The following ADTRP variants were observed in gnomAD, a reference collection of about 807,000 sequenced individuals.
The protein encoded by ADTRP is androgen dependent TFPI regulating protein.
In ADTRP, 20 loss-of-function variants were observed where a neutral mutation model predicts 27.0. The observed-to-expected ratio is 0.74, with a 90% confidence interval of 0.52 to 1.08. ADTRP has a LOEUF of 1.08. ADTRP is among the 50% of genes least tolerant of loss of function. The probability of loss-of-function intolerance (pLI) is 0.00; values close to 1 mark genes in which losing one functional copy is unlikely to be tolerated. For synonymous variants in ADTRP, 101 were observed against 105.2 expected, an observed-to-expected ratio of 0.96 and a Z score of 0.25; for missense variants, 251 against 275.0, an observed-to-expected ratio of 0.91 and a Z score of 0.62.
chr6:11,773,526 G>A (rs1561777892), intron 1 of ADTRP, among the ~76,000 whole-genome samples: 1 of 152,240 alleles, frequency 6.6e-6, no homozygotes, highest in South Asian at 2.1e-4. Context: ...TTGGATGCCA[G>A]TTATGGCAGG....
chr6:11,746,572 G>A (rs1762872637), intron 3 of ADTRP, among the ~76,000 whole-genome samples: 1 of 152,118 alleles, frequency 6.6e-6, no homozygotes, highest in South Asian at 2.1e-4. Context: ...AATCCATCCT[G>A]GTTGAGAATC....
At chr6:11,744,899 A>G (rs1473736917) in intron 3 of ADTRP, among the ~76,000 whole-genome samples, 1 of 152,208 alleles carries the variant, frequency 6.6e-6, no homozygotes, top group Non-Finnish European at 1.5e-5. Flanking sequence ...GTAAGGGCTC[A>G]GAGTGTGTAA....
At chr6:11,766,125 A>G in intron 3 of ADTRP, 149 bp downstream of exon 3, 1 of 528,320 alleles carries the variant, frequency 1.9e-6, no homozygotes, top group Non-Finnish European at 3.3e-6. Context: ...TGTTCATTTC[A>G]TACCTTCAAT....
chr6:11,760,145 C>T (rs1401528816), intron 3 of ADTRP, among the ~76,000 whole-genome samples: 1 of 152,196 alleles, frequency 6.6e-6, no homozygotes, highest in Admixed American at 6.5e-5. Flanking sequence ...AAGCACACTA[C>T]TCTGTTCTCT....
chr6:11,721,032 T>A (rs980030984), intron 5 of ADTRP, among the ~76,000 whole-genome samples: 2 of 152,176 alleles, frequency 1.3e-5, no homozygotes, highest in African/African-American at 4.8e-5. Context: ...ACCCGAGGTC[T>A]AGTGGAAAAA....
At chr6:11,750,282 TG>T (rs1561760685) in intron 3 of ADTRP, among the ~76,000 whole-genome samples, 2 of 152,234 alleles carry the variant, frequency 1.3e-5, no homozygotes, top group African/African-American at 4.8e-5. Context: ...AATCCCTGAA[TG>T]GCGGAAAATC....
chr6:11,756,625 C>T (rs1763223147), intron 3 of ADTRP, among the ~76,000 whole-genome samples: 1 of 152,060 alleles, frequency 6.6e-6, no homozygotes, highest in East Asian at 1.9e-4. Flanking sequence ...GAAAACTATG[C>T]AGATAGTAGA....
chr6:11,743,449 A>T (rs1467385944), intron 3 of ADTRP, among the ~76,000 whole-genome samples: 1 of 152,014 alleles, frequency 6.6e-6, no homozygotes, highest in Non-Finnish European at 1.5e-5. Flanking sequence ...CTCACTGTGG[A>T]TACAGCACTC....
chr6:11,758,607 T>C (rs1047865900), intron 3 of ADTRP, among the ~76,000 whole-genome samples: 4 of 130,532 alleles, frequency 3.1e-5, no homozygotes, highest in Admixed American at 8.4e-5. Context: ...TTAGGAGGTA[T>C]ACCTAATGCT....
chr6:11,750,559 G>A (rs960355385), intron 3 of ADTRP, among the ~76,000 whole-genome samples: 1 of 152,192 alleles, frequency 6.6e-6, no homozygotes, highest in East Asian at 1.9e-4. Flanking sequence ...AAGCAATCAC[G>A]TTATGATCAA....
intron 3 of ADTRP, among the ~76,000 whole-genome samples, chr6:11,739,426 T>C (rs534949266): frequency 1.4e-4 from 21 of 152,310 alleles, no homozygotes; most frequent in African/African-American, 5.1e-4. Context: ...TCTTCTCCCA[T>C]CCTTTTCTAC....
chr6:11,769,957 A>C (rs571051259), intron 1 of ADTRP: 18 of 1,480,470 alleles, frequency 1.2e-5, no homozygotes, highest in African/African-American at 2.8e-5. Context: ...TTTCATTCTC[A>C]TAACAACCTT....
intron 1 of ADTRP, among the ~76,000 whole-genome samples, chr6:11,772,451 T>C (rs907915640): frequency 1.3e-5 from 2 of 152,276 alleles, no homozygotes; most frequent in Non-Finnish European, 2.9e-5. Context: ...AGCTTATCTC[T>C]TGCCTTTAAG....
chr6:11,773,963 A>G (rs1763867822), intron 1 of ADTRP, among the ~76,000 whole-genome samples: 1 of 152,186 alleles, frequency 6.6e-6, no homozygotes, highest in Non-Finnish European at 1.5e-5. Context: ...ATTGAAGTGC[A>G]TCTTTGTGAG....
At chr6:11,728,773 G>A (rs1762295160) in intron 4 of ADTRP, among the ~76,000 whole-genome samples, 1 of 152,214 alleles carries the variant, frequency 6.6e-6, no homozygotes. Flanking sequence ...ATGAATGGCT[G>A]TGTTGGGTGG....
chr6:11,771,746 T>C (rs1391186576), intron 1 of ADTRP, among the ~76,000 whole-genome samples: 1 of 152,126 alleles, frequency 6.6e-6, no homozygotes, highest in South Asian at 2.1e-4. Context: ...GAAGTTAAAA[T>C]GAGGTCACGA....
Position 11,760,225 on chromosome 6 carries a change from C to T in ADTRP, c.390+6049G>A, listed in dbSNP as rs74652666. Among the ~76,000 whole-genome samples, 1,286 of 152,282 alleles carry T rather than the reference C, an allele frequency of 8.4e-3. 10 individuals carry two copies. Among genetic ancestry groups the T allele is most frequent in the Middle Eastern group, 0.02 (6 of 294 alleles). On this transcript the variant is annotated intron_variant, in intron 3 of 5. Transcript: ENST00000414691. ...GGGATGTGTGTATAGTCCACAAGGA[C>T]AGAGCATAACCAAGGCTCTATCCTC... is the stretch of plus-strand genomic sequence containing the variant.
intron 3 of ADTRP, among the ~76,000 whole-genome samples, chr6:11,763,427 A>C (rs1439090201): frequency 1.3e-5 from 2 of 152,230 alleles, no homozygotes; most frequent in East Asian, 3.8e-4. Flanking sequence ...GAAATGAAAG[A>C]AGCTTTCAGG....
chr6:11,765,853 G>A (rs1030409720), intron 3 of ADTRP, among the ~76,000 whole-genome samples: 14 of 152,142 alleles, frequency 9.2e-5, no homozygotes, highest in Admixed American at 2.0e-4. Flanking sequence ...ATGCAGAATC[G>A]TGACAAAGTG....
Sources: gnomAD v4.1 joint callset for allele counts (sites outside exome capture counted in the v4.1 genomes callset) on GRCh38, gnomAD v4.1.1 for gene constraint, MANE v1.5 for transcripts, NCBI Gene and HGNC (gene_info 2026-07-23, HGNC 2026-07-21) for gene names.